The following CCDC39 variants were observed in gnomAD, a reference collection of about 807,000 sequenced individuals.
CCDC39 encodes coiled-coil domain-containing protein 39.
In CCDC39, 113 loss-of-function variants were observed where a neutral mutation model predicts 121.0. The observed-to-expected ratio is 0.93, with a 90% CI of 0.80 to 1.09. The LOEUF (loss-of-function observed/expected upper bound fraction) is 1.09, where lower values mean the gene tolerates loss of function less well. CCDC39 is among the 50% of genes least tolerant of loss of function. CCDC39 has a pLI of 0.00. For missense variants in CCDC39, 1,063 were observed against 1,074.7 expected, an observed-to-expected ratio of 0.99 and a Z score of 0.15; for synonymous variants, 349 against 352.2, an observed-to-expected ratio of 0.99 and a Z score of 0.10.
chr3:180,623,819 A>AT (rs796802475), intron 14 of CCDC39, among the ~76,000 whole-genome samples: 3,508 of 147,590 alleles, frequency 0.024, 150 homozygotes, highest in African/African-American at 0.081. Flanking sequence ...GTCTGAGAAG[A>AT]TTTTTTTTTT....
At chr3:180,638,746 T>G (rs1487844430) in intron 13 of CCDC39, among the ~76,000 whole-genome samples, 1 of 152,078 alleles carries the variant, frequency 6.6e-6, no homozygotes, top group Non-Finnish European at 1.5e-5. Flanking sequence ...AGAGAAATGA[T>G]TAAAGTTTCT....
At chr3:180,654,645 GAA>G (rs79988820) in intron 7 of CCDC39, 115 bp downstream of exon 7, 168 of 447,972 alleles carry the variant, frequency 3.8e-4, no homozygotes, top group South Asian at 5.4e-4. Context: ...AAAGAAAAAG[GAA>G]AAAAAAAAAA....
chr3:180,619,340 T>G lies in CCDC39; in HGVS notation c.2184A>C (p.Gln728His). ...PSSDEYELKI[Q>H]LEEQKRAVDE... ...CAACAGCTCTTTTTTGTTCTTCTAG[T>G]TGAATTTTTAGCTCATACTCATCAC... Residue 728 changes from glutamine to histidine, a missense_variant, in exon 16 of 20, where the codon CAA becomes CAC. Coordinates refer to ENST00000476379, the MANE Select transcript of CCDC39 (RefSeq NM_181426.2). 1 of 1,537,516 alleles carries G rather than the reference T, an allele frequency of 6.5e-7. No individual in the cohort carries two copies. Among genetic ancestry groups the G allele is most frequent in the Non-Finnish European group, 8.8e-7 (1 of 1,135,510 alleles).
intron 2 of CCDC39, among the ~76,000 whole-genome samples, chr3:180,662,709 C>G (rs901376023): frequency 3.3e-5 from 5 of 152,070 alleles, no homozygotes; most frequent in Non-Finnish European, 7.4e-5. Flanking sequence ...AAGTGTTGTT[C>G]CAAATAGTTT....
At chr3:180,637,318 A>G (rs1405219935) in intron 13 of CCDC39, among the ~76,000 whole-genome samples, 3 of 152,222 alleles carry the variant, frequency 2.0e-5, no homozygotes, top group Non-Finnish European at 2.9e-5. Context: ...AAGCATATGA[A>G]AAAAAGCTCA....
Position 180,616,285 on chromosome 3 carries a change from C to A in CCDC39, c.2665G>T (p.Ala889Ser). ...SRSPSHTSLS[A>S]RSSRSTSTST... ...TTTTTTTAACCCTCCGCTTACCTTGCTGATAGTGAAGTATGTGAAGGAGAT... is the reference window on the plus strand; with the variant it reads ...TTTTTTTAACCCTCCGCTTACCTTGATGATAGTGAAGTATGTGAAGGAGAT... The change falls in exon 19 of 20, where the codon GCA (alanine) becomes TCA (serine). Residue 889 changes from alanine to serine, a missense_variant. Transcript: ENST00000476379. 2 of 1,613,026 alleles carry A rather than the reference C, an allele frequency of 1.2e-6. No individual in the cohort carries two copies. The highest frequency in any genetic ancestry group is 1.3e-5 in the African/African-American group (1 of 74,938).
In CCDC39 at chr3:180,647,262, A is replaced by AG. The variant is rs745899459; in HGVS notation, c.1363-20_1363-19insC. 1 of 1,535,678 alleles carries AG rather than the reference A, an allele frequency of 6.5e-7. No individual in the cohort carries two copies. The highest frequency in any genetic ancestry group is 1.3e-5 in the South Asian group (1 of 79,588). ...GAAAATCCTGTTACAGTTTAAAAAA[A>AG]AAAAGGTATTACAAAGAAAAAAAAA... is the stretch of plus-strand genomic sequence containing the variant. On this transcript the variant is annotated intron_variant, in intron 10 of 19. Coordinates refer to ENST00000476379, the MANE Select transcript of CCDC39 (RefSeq NM_181426.2).
chr3:180,634,528 AACCACTACTAAGGT>A (rs1189320729), intron 13 of CCDC39, among the ~76,000 whole-genome samples: 5 of 152,142 alleles, frequency 3.3e-5, no homozygotes, highest in African/African-American at 4.8e-5. Flanking sequence ...CCTCAGCCAC[AACCACTACTAAGGT>A]ACCTTATTCA....
At chr3:180,666,104 G>C (rs1365781471) in intron 1 of CCDC39, among the ~76,000 whole-genome samples, 2 of 151,970 alleles carry the variant, frequency 1.3e-5, no homozygotes, top group Admixed American at 6.6e-5. Context: ...CCTCTATACA[G>C]ATAAACACTG....
Position 180,660,273 on chromosome 3 carries a change from A to G in CCDC39, c.516+297T>C, listed in dbSNP as rs116511700. On this transcript the variant is annotated intron_variant, in intron 4 of 19. Coordinates refer to ENST00000476379, the MANE Select transcript of CCDC39 (RefSeq NM_181426.2). Reference sequence around the variant, plus strand: ...TTCTAGTGGAAAACTTTCTCTTCTGAAATGCTTTTGAGCATCCTTATAAAT... The same window carrying G: ...TTCTAGTGGAAAACTTTCTCTTCTGGAATGCTTTTGAGCATCCTTATAAAT... Among the ~76,000 whole-genome samples the G allele has an allele frequency of 6.1e-3, 927 of 152,270 alleles. 9 individuals are homozygous for G. The highest frequency in any genetic ancestry group is 9.6e-3 in the Non-Finnish European group (654 of 67,966).
At chr3:180,677,209 T>C (rs1352349578) in intron 1 of CCDC39, among the ~76,000 whole-genome samples, 6 of 105,678 alleles carry the variant, frequency 5.7e-5, no homozygotes, top group Non-Finnish European at 1.2e-4. Flanking sequence ...TATATATATA[T>C]ATATATAAAA....
rs746723438 is a variant in CCDC39 at position 180,631,543 on chromosome 3, A to G, written c.1924T>C (p.Tyr642His). The G allele has an allele frequency of 5.6e-6, 9 of 1,609,262 alleles. 1 individual carries two copies. Among genetic ancestry groups the G allele is most frequent in the Admixed American group, 1.7e-5 (1 of 59,966 alleles). Reference sequence around the variant, plus strand: ...AGCATAACAACAGTCAGAATTTCATATCTATTCTTCAGCTTCTCAATTTTA... The same window carrying G: ...AGCATAACAACAGTCAGAATTTCATGTCTATTCTTCAGCTTCTCAATTTTA... ...LSKIEKLKNR[Y>H]EILTVVMLPP... is the part of the protein sequence containing the mutation. Residue 642 changes from tyrosine to histidine, a missense_variant, in exon 14 of 20, where the codon TAT becomes CAT. Transcript: ENST00000476379.
intron 6 of CCDC39, among the ~76,000 whole-genome samples, chr3:180,656,375 A>G (rs903825245): frequency 9.8e-5 from 15 of 152,300 alleles, no homozygotes; most frequent in African/African-American, 3.6e-4. Flanking sequence ...ATATTTTTCC[A>G]CTTCTACACG....
chr3:180,667,006 C>G (rs1711894734), intron 1 of CCDC39, among the ~76,000 whole-genome samples: 1 of 151,578 alleles, frequency 6.6e-6, no homozygotes, highest in South Asian at 2.1e-4. Flanking sequence ...ATAAAACATG[C>G]AATGGAAAGA....
intron 1 of CCDC39, among the ~76,000 whole-genome samples, chr3:180,677,158 AATAATAATTTTATATAT>A (rs1560097155): frequency 1.9e-5 from 2 of 103,130 alleles, no homozygotes; most frequent in African/African-American, 9.2e-5. Context: ...TAATAATAAT[AATAATAATTTTATATAT>A]ATATATATAT....
chr3:180,647,978 G>A (rs1718111345), intron 10 of CCDC39, among the ~76,000 whole-genome samples, 187 bp downstream of exon 10: 2 of 151,894 alleles, frequency 1.3e-5, no homozygotes, highest in Non-Finnish European at 2.9e-5. Context: ...ATTTCAGATT[G>A]AGGGGAAAAA....
intron 7 of CCDC39, among the ~76,000 whole-genome samples, chr3:180,654,114 C>T (rs967090363): frequency 3.4e-5 from 5 of 146,990 alleles, no homozygotes; most frequent in African/African-American, 1.2e-4. Flanking sequence ...GGAAATAAAC[C>T]CATGCATATA....
intron 13 of CCDC39, among the ~76,000 whole-genome samples, chr3:180,639,283 C>T (rs1198925918): frequency 6.6e-6 from 1 of 152,036 alleles, no homozygotes; most frequent in Non-Finnish European, 1.5e-5. Flanking sequence ...GGAAAATAGC[C>T]ATGCTCATCT....
intron 7 of CCDC39, among the ~76,000 whole-genome samples, chr3:180,653,420 T>C (rs1332769765): frequency 6.6e-6 from 1 of 152,192 alleles, no homozygotes; most frequent in Non-Finnish European, 1.5e-5. Flanking sequence ...TTTATCTCCC[T>C]AGATATGCCT....
Sources: gnomAD v4.1 joint callset for allele counts (sites outside exome capture counted in the v4.1 genomes callset) on GRCh38, gnomAD v4.1.1 for gene constraint, MANE v1.5 for transcripts, NCBI Gene and HGNC (gene_info 2026-07-23, HGNC 2026-07-21) for gene names.